The following AKAP7 variants were observed in gnomAD, a reference collection of about 807,000 sequenced individuals.
AKAP7 encodes A-kinase anchoring protein 7, also known as A kinase (PRKA) anchor protein 7.
A neutral mutation model predicts 39.5 loss-of-function variants in AKAP7; 39 were observed. That is an observed-to-expected ratio of 0.99 (90% confidence interval 0.76 to 1.29). The LOEUF is 1.29. AKAP7 is among the 50% of genes most tolerant of loss of function. AKAP7 has a pLI of 0.00. For missense variants in AKAP7, 414 were observed against 407.7 expected (o/e 1.02, Z -0.13); for synonymous variants, 140 against 139.1 (o/e 1.01, Z -0.05).
At position 131,135,609 on chromosome 6, in the gene AKAP7, C is replaced by T. The variant is rs1800465288; in HGVS notation, c.-155C>T. 4 of 606,600 alleles carry T rather than the reference C, an allele frequency of 6.6e-6. No individual in the cohort carries two copies. The highest frequency in any genetic ancestry group is 8.3e-6 in the Non-Finnish European group (4 of 482,550). 37.6% of individuals were successfully genotyped at this position (606,600 alleles called of 1,614,324 possible). ...CTGGCCTCCGCCGCCCGGGCCCCCG[C>T]AGCCTGTCGCTGGACCCCGCGCCGG... is the stretch of plus-strand genomic sequence containing the variant. On this transcript the variant is annotated 5_prime_UTR_variant, in exon 1 of 8. Transcript: ENST00000431975.
At chr6:131,147,367 G>C (rs1020347490) in intron 2 of AKAP7, among the ~76,000 whole-genome samples, 2 of 152,256 alleles carry the variant, frequency 1.3e-5, no homozygotes, top group African/African-American at 4.8e-5. Context: ...TTAAGTCTTT[G>C]GTATTTTATT....
intron 6 of AKAP7, among the ~76,000 whole-genome samples, chr6:131,206,113 G>A (rs919762241): frequency 5.9e-5 from 9 of 152,168 alleles, no homozygotes; most frequent in African/African-American, 2.2e-4. Context: ...ACATCTTAAT[G>A]CAGATCTCAA....
chr6:131,241,577 ATGTGTG>A lies in AKAP7; in HGVS notation c.850+21815_850+21820del, dbSNP rs749601887. ...GAGGTCCAGGACATAGATTATATATATGTGTGTGTGTGTGTGTGTGTGTGTGTGTGT... is the reference window on the plus strand; with the variant it reads ...GAGGTCCAGGACATAGATTATATATATGTGTGTGTGTGTGTGTGTGTGTGT... On this transcript the variant is annotated intron_variant, in intron 7 of 7. Coordinates refer to ENST00000431975, the MANE Select transcript of AKAP7 (RefSeq NM_016377.4). 8.2e-3 allele frequency among the ~76,000 whole-genome samples: 668 copies of A among 81,280 alleles called. 14 individuals are homozygous for A. The highest frequency in any genetic ancestry group is 0.028 in the East Asian group (85 of 2,990). The allele number at this position is 81,280 out of a possible 152,430, so 53.3% of individuals were successfully genotyped here. A position where few individuals can be genotyped will look rare whatever the true frequency, so the allele number is the denominator to read the frequency against.
chr6:131,167,455 T>C lies in AKAP7; in HGVS notation c.429-1658T>C, dbSNP rs200842521. Among the ~76,000 whole-genome samples, 14 of 152,302 alleles carry C rather than the reference T, an allele frequency of 9.2e-5. No homozygotes were observed. In the East Asian group the frequency reaches 2.5e-3, roughly 27 times the overall value. ...CATATAGTTTCATTTAAAACAAATA[T>C]CTTGAATTCCCCCAACTTATAAATG... On this transcript the variant is annotated intron_variant, in intron 4 of 7. Transcript: ENST00000431975.
At chr6:131,184,425 G>A (rs1805610379) in intron 5 of AKAP7, 3 of 657,618 alleles carry the variant, frequency 4.6e-6, no homozygotes, top group South Asian at 4.2e-5. Context: ...AGATATGGAC[G>A]GAGTGAGACA....
intron 7 of AKAP7, among the ~76,000 whole-genome samples, chr6:131,247,269 G>GTGTA (rs1244438178): frequency 1.4e-3 from 128 of 91,850 alleles, no homozygotes; most frequent in African/African-American, 3.8e-3. Context: ...CATTTCATAT[G>GTGTA]TATATATATA....
chr6:131,181,834 TA>T (rs1014059474), intron 5 of AKAP7, among the ~76,000 whole-genome samples: 10 of 150,850 alleles, frequency 6.6e-5, no homozygotes, highest in South Asian at 2.1e-4. Context: ...CTTTTTTATT[TA>T]AAAAAAAAAT....
intron 2 of AKAP7, among the ~76,000 whole-genome samples, chr6:131,157,195 T>C (rs1255966189): frequency 2.0e-5 from 3 of 152,224 alleles, no homozygotes; most frequent in Non-Finnish European, 4.4e-5. Context: ...CAGGAAGTGG[T>C]CTAAATGTTT....
chr6:131,179,611 T>A (rs773808678), intron 5 of AKAP7, among the ~76,000 whole-genome samples: 3 of 152,208 alleles, frequency 2.0e-5, no homozygotes, highest in Non-Finnish European at 4.4e-5. Flanking sequence ...AAGGCTCACA[T>A]AATCCCAGCA....
rs144897053 is a variant in AKAP7 at position 131,173,772 on chromosome 6, C to CTTAG, written c.589+4500_589+4503dup. On this transcript the variant is annotated intron_variant, in intron 5 of 7. Coordinates refer to ENST00000431975, the MANE Select transcript of AKAP7 (RefSeq NM_016377.4). ...TGGCTGCTCTGGAAAAAATGCTAGACTTAGAGCTTTTCTTTGGTAATATAA... is the reference window on the plus strand; with the variant it reads ...TGGCTGCTCTGGAAAAAATGCTAGACTTAGTTAGAGCTTTTCTTTGGTAATATAA... Among the ~76,000 whole-genome samples the CTTAG allele has an allele frequency of 7.6e-3, 1,152 of 152,264 alleles. 9 individuals are homozygous for CTTAG. Among genetic ancestry groups the CTTAG allele is most frequent in the African/African-American group, 0.026 (1,084 of 41,544 alleles).
At chr6:131,199,344 A>T (rs1246460847) in intron 5 of AKAP7, 117 bp from the exon 6 acceptor site, 1 of 678,070 alleles carries the variant, frequency 1.5e-6, no homozygotes, top group Non-Finnish European at 2.5e-6. Context: ...GCAGGTGTAT[A>T]AAGTAATCTT....
intron 6 of AKAP7, among the ~76,000 whole-genome samples, chr6:131,214,570 G>A (rs564841167): frequency 1.1e-4 from 16 of 152,258 alleles, no homozygotes; most frequent in African/African-American, 2.2e-4. Flanking sequence ...AGTATAAGAA[G>A]CATTCTTTTT....
chr6:131,130,543 G>A (rs1407598753), upstream of AKAP7, among the ~76,000 whole-genome samples: 1 of 152,198 alleles, frequency 6.6e-6, no homozygotes, highest in East Asian at 1.9e-4. Context: ...TTGTCCACCC[G>A]CTTCGGCCTT....
chr6:131,152,772 A>C (rs1000797910), intron 2 of AKAP7, among the ~76,000 whole-genome samples: 64 of 146,266 alleles, frequency 4.4e-4, no homozygotes, highest in African/African-American at 1.5e-3. Context: ...GGTTGCAGTG[A>C]GCTGAGATTG....
intron 5 of AKAP7, among the ~76,000 whole-genome samples, chr6:131,171,909 G>T (rs991908370): frequency 3.9e-5 from 6 of 152,244 alleles, no homozygotes; most frequent in South Asian, 2.1e-4. Flanking sequence ...ACTAATATTT[G>T]GAAGGAGAAT....
At position 131,140,417 on chromosome 6, in the gene AKAP7, C is replaced by G. The variant is rs1281729058; in HGVS notation, c.19+4635C>G. Among the ~76,000 whole-genome samples, 4 of 152,254 alleles carry G rather than the reference C, an allele frequency of 2.6e-5. No individual in the cohort carries two copies. In the South Asian group the frequency reaches 8.3e-4, roughly 32 times the overall value. On this transcript the variant is annotated intron_variant, in intron 1 of 7. Coordinates refer to ENST00000431975, the MANE Select transcript of AKAP7 (RefSeq NM_016377.4). The stretch of plus-strand genomic sequence containing the variant: ...GTGATTAATTGAGCTCAGGAGAAAC[C>G]AAAAGTTAAGCGATTTTGCGAACTT...
chr6:131,205,091 G>A (rs1380580130), intron 6 of AKAP7, among the ~76,000 whole-genome samples: 3 of 152,092 alleles, frequency 2.0e-5, no homozygotes, highest in Non-Finnish European at 4.4e-5. Flanking sequence ...ATTATTACAG[G>A]AAATATTATA....
intron 6 of AKAP7, among the ~76,000 whole-genome samples, chr6:131,213,741 A>G (rs917554188): frequency 1.3e-5 from 2 of 152,230 alleles, no homozygotes; most frequent in African/African-American, 4.8e-5. Flanking sequence ...GCCAAACAGC[A>G]TATGGTCTCT....
chr6:131,226,016 T>C (rs1237834608), intron 7 of AKAP7, among the ~76,000 whole-genome samples: 1 of 152,236 alleles, frequency 6.6e-6, no homozygotes, highest in African/African-American at 2.4e-5. Context: ...TTCCACCTTC[T>C]TCTGAACAAT....
Sources: gnomAD v4.1 joint callset for allele counts (sites outside exome capture counted in the v4.1 genomes callset) on GRCh38, gnomAD v4.1.1 for gene constraint, MANE v1.5 for transcripts, NCBI Gene and HGNC (gene_info 2026-07-23, HGNC 2026-07-21) for gene names.